The following GLB1 variants were observed in gnomAD, a reference collection of about 807,000 sequenced individuals.
GLB1 encodes beta-galactosidase.
Under a neutral mutation model 74.0 loss-of-function variants are expected in GLB1, and 56 were observed. That is an observed-to-expected ratio of 0.76 (90% CI 0.61 to 0.94). The LOEUF (loss-of-function observed/expected upper bound fraction) is 0.94, where lower values mean the gene tolerates loss of function less well. Ranked by LOEUF, GLB1 falls within the 40% of genes least tolerant of loss-of-function variation. GLB1 has a pLI of 0.00. For missense variants in GLB1, 787 were observed against 845.5 expected (o/e 0.93, Z 0.86); for synonymous variants, 323 against 323.6 (o/e 1.00, Z 0.02).
At chr3:33,095,000 C>G (rs1203828856) in intron 1 of GLB1, among the ~76,000 whole-genome samples, 3 of 152,084 alleles carry the variant, frequency 2.0e-5, no homozygotes, top group Non-Finnish European at 2.9e-5. Context: ...TACCTGAGGT[C>G]AGGAGTTCAA....
intron 1 of GLB1, among the ~76,000 whole-genome samples, chr3:33,076,044 CAAAAAAA>C (rs71733863): frequency 4.5e-4 from 36 of 79,704 alleles, no homozygotes; most frequent in Non-Finnish European, 4.5e-4. Flanking sequence ...GACTCTGTCT[CAAAAAAA>C]AAAAAAAAAA....
chr3:33,081,616 C>T (rs1219524136), intron 1 of GLB1, among the ~76,000 whole-genome samples: 1 of 152,210 alleles, frequency 6.6e-6, no homozygotes, highest in Non-Finnish European at 1.5e-5. Flanking sequence ...CCAGTGGGGC[C>T]ATCCTCTGCA....
intron 6 of GLB1, among the ~76,000 whole-genome samples, chr3:33,054,736 C>T (rs1278797237): frequency 2.6e-5 from 4 of 152,158 alleles, no homozygotes; most frequent in Admixed American, 2.6e-4. Flanking sequence ...ATGAAATGTC[C>T]CATTAGGGGT....
chr3:32,979,875 A>G, the GLB1 span, among the ~76,000 whole-genome samples: 2 of 151,710 alleles, frequency 1.3e-5, no homozygotes, highest in East Asian at 1.9e-4. Context: ...AAAAAAAAAA[A>G]AAAGAAAAGG....
chr3:32,983,424 T>A, the GLB1 span, among the ~76,000 whole-genome samples: 1 of 152,238 alleles, frequency 6.6e-6, no homozygotes, highest in Non-Finnish European at 1.5e-5. Flanking sequence ...GGTTATTTTA[T>A]TTTGCAGTTT....
intron 5 of GLB1, among the ~76,000 whole-genome samples, chr3:33,060,051 T>A (rs553405645): frequency 1.3e-5 from 2 of 152,274 alleles, no homozygotes; most frequent in Admixed American, 6.5e-5. Context: ...TCCTACATAT[T>A]TGACATCACC....
chr3:32,969,447 G>C, the GLB1 span, among the ~76,000 whole-genome samples: 1 of 152,166 alleles, frequency 6.6e-6, no homozygotes, highest in Non-Finnish European at 1.5e-5. Context: ...AAAAGAGGTG[G>C]CAGTGATGCA....
chr3:33,031,869 C>T (rs911959781), intron 10 of GLB1, among the ~76,000 whole-genome samples: 2 of 151,740 alleles, frequency 1.3e-5, no homozygotes, highest in Admixed American at 1.3e-4. Flanking sequence ...ATGATCTCGG[C>T]TCACTGCAAC....
Position 33,093,725 on chromosome 3 carries a change from C to T in GLB1, c.75+3286G>A. 6.2e-7 allele frequency: 1 copy of T among 1,614,064 alleles called. No homozygotes were observed. Among genetic ancestry groups the T allele is most frequent in the South Asian group, 1.1e-5 (1 of 91,066 alleles). On this transcript the variant is annotated intron_variant, in intron 1 of 15. Transcript: ENST00000307363. The surrounding 1 kb of genome is among the most constrained non-coding windows in gnomAD (Gnocchi z 6.0). ...GCCTGAGCACGAGCTTCCTTGTCTT[C>T]TCAAGGCTGCCCACGACCCTACCAC...
chr3:33,010,995 T>A (rs1696997479), intron 15 of GLB1, among the ~76,000 whole-genome samples: 1 of 152,062 alleles, frequency 6.6e-6, no homozygotes, highest in African/African-American at 2.4e-5. Context: ...TAGCTGAGAT[T>A]ACAGTTACTC....
At chr3:33,023,557 CT>C (rs960310265) in intron 11 of GLB1, among the ~76,000 whole-genome samples, 77 of 144,222 alleles carry the variant, frequency 5.3e-4, no homozygotes, top group Admixed American at 6.9e-4. Flanking sequence ...GGTAACGGTT[CT>C]TTTTTTTTTT....
At chr3:33,064,166 C>T (rs761597701) in intron 5 of GLB1, among the ~76,000 whole-genome samples, 1 of 152,262 alleles carries the variant, frequency 6.6e-6, no homozygotes, top group East Asian at 1.9e-4. Flanking sequence ...TAGCTGGGCA[C>T]GGTGGCTCAC....
At chr3:33,078,157 T>C (rs115083322) in intron 1 of GLB1, among the ~76,000 whole-genome samples, 2,105 of 152,262 alleles carry the variant, frequency 0.014, 27 homozygotes, top group Non-Finnish European at 0.021. Flanking sequence ...GGCAGGAAGA[T>C]TGCTCGAGCC....
At position 33,042,370 on chromosome 3, in the gene GLB1, C is replaced by CTTTTTTTTTTTTTTTTTTTTTTTT. The variant is rs66685286; in HGVS notation, c.1068+3749_1068+3750insAAAAAAAAAAAAAAAAAAAAAAAA. On this transcript the variant is annotated intron_variant, in intron 10 of 15. Coordinates refer to ENST00000307363, the MANE Select transcript of GLB1 (RefSeq NM_000404.4). The stretch of plus-strand genomic sequence containing the variant: ...TATATCCCTGACCCCTCATCTCCTC[C>CTTTTTTTTTTTTTTTTTTTTTTTT]TTTTTTTTTTTTTTTTTTTCCAAGT... 2.0e-5 allele frequency among the ~76,000 whole-genome samples: 2 copies of CTTTTTTTTTTTTTTTTTTTTTTTT among 99,240 alleles called. 1 individual carries two copies. 65.1% of individuals were successfully genotyped at this position (99,240 alleles called of 152,430 possible). A position where few individuals can be genotyped will look rare whatever the true frequency, so the allele number is the denominator to read the frequency against.
the GLB1 span, among the ~76,000 whole-genome samples, chr3:32,965,156 T>C: frequency 6.6e-6 from 1 of 152,210 alleles, no homozygotes. Context: ...AGTGGAGCAC[T>C]GCTGTAAAGA....
intron 12 of GLB1, among the ~76,000 whole-genome samples, chr3:33,020,640 T>C (rs555663321): frequency 1.3e-5 from 2 of 152,288 alleles, no homozygotes; most frequent in South Asian, 4.1e-4. Context: ...AAGGAGAATA[T>C]AATTAATGTG....
chr3:33,047,119 G>A (rs947347698), intron 9 of GLB1, among the ~76,000 whole-genome samples: 4 of 152,200 alleles, frequency 2.6e-5, no homozygotes, highest in African/African-American at 9.7e-5. Flanking sequence ...TTGCTCCAGA[G>A]AGCACAATCA....
At chr3:33,075,645 G>A (rs995037281) in intron 1 of GLB1, among the ~76,000 whole-genome samples, 1 of 152,166 alleles carries the variant, frequency 6.6e-6, no homozygotes, top group African/African-American at 2.4e-5. Context: ...GAATGCTGCA[G>A]CAGAAATAAA....
At chr3:33,061,275 A>T (rs1017643875) in intron 5 of GLB1, among the ~76,000 whole-genome samples, 1 of 152,178 alleles carries the variant, frequency 6.6e-6, no homozygotes, top group East Asian at 1.9e-4. Context: ...TTAGCCAGGC[A>T]TGATGGCAGG....
Sources: gnomAD v4.1 joint callset for allele counts (sites outside exome capture counted in the v4.1 genomes callset) on GRCh38, gnomAD v4.1.1 for gene constraint, Gnocchi (gnomAD v3.1) non-coding constraint, MANE v1.5 for transcripts, NCBI Gene and HGNC (gene_info 2026-07-23, HGNC 2026-07-21) for gene names.